The following SLC7A4 variants were observed in gnomAD, a reference collection of about 807,000 sequenced individuals.
The protein encoded by SLC7A4 is solute carrier family 7 member 4, also known as cationic amino acid transporter 4.
SLC7A4 carries 30 observed loss-of-function variants against 37.8 expected under a neutral mutation model. The observed-to-expected ratio is 0.79, with a 90% CI of 0.59 to 1.08. The LOEUF is 1.08. SLC7A4 is among the 50% of genes least tolerant of loss of function. The probability of loss-of-function intolerance (pLI) is 0.00; values close to 1 mark genes in which losing one functional copy is unlikely to be tolerated. For missense variants in SLC7A4, 839 were observed against 843.2 expected, an observed-to-expected ratio of 1.00 and a Z score of 0.06; for synonymous variants, 359 against 376.5, an observed-to-expected ratio of 0.95 and a Z score of 0.54.
intron 1 of SLC7A4, 101 bp from the exon 2 acceptor site, chr22:21,031,953 C>G: frequency 1.3e-6 from 1 of 767,900 alleles, no homozygotes; most frequent in Non-Finnish European, 1.8e-6. Flanking sequence ...CTGTCCCTGA[C>G]CTGGGGACCT....
chr22:21,031,931 C>G, intron 1 of SLC7A4, 79 bp from the exon 2 acceptor site: 1 of 1,008,686 alleles, frequency 9.9e-7, no homozygotes, highest in Non-Finnish European at 1.3e-6. Context: ...CTGACCACCC[C>G]CAGTCCTCTC....
At chr22:21,030,375 G>A (rs1164009937) in intron 2 of SLC7A4, 24 bp from the exon 3 acceptor site, 1 of 1,575,022 alleles carries the variant, frequency 6.3e-7, no homozygotes, top group Non-Finnish European at 8.6e-7. Flanking sequence ...AGTGGGGAGG[G>A]TCAGCATGGC....
chr22:21,030,395 C>T, intron 2 of SLC7A4, 44 bp from the exon 3 acceptor site: 1 of 1,551,340 alleles, frequency 6.4e-7, no homozygotes, highest in Non-Finnish European at 8.7e-7. Flanking sequence ...CGGAGAAGCC[C>T]ACCAGGGGCC....
intron 2 of SLC7A4, 125 bp downstream of exon 2, chr22:21,030,706 C>G (rs1024637224): frequency 2.6e-6 from 3 of 1,165,706 alleles, no homozygotes; most frequent in Non-Finnish European, 3.5e-6. Flanking sequence ...TAATAATTAG[C>G]ACTTTCCTTG....
intron 3 of SLC7A4, 33 bp from the exon 4 acceptor site, chr22:21,029,477 G>T: frequency 6.6e-7 from 1 of 1,521,496 alleles, no homozygotes; most frequent in Non-Finnish European, 9.1e-7. Context: ...GGGCTGGGCC[G>T]GGCTGCAGGA....
At chr22:21,032,164 TG>T (rs1354056849) in intron 1 of SLC7A4, among the ~76,000 whole-genome samples, 15 of 152,128 alleles carry the variant, frequency 9.9e-5, no homozygotes, top group African/African-American at 3.4e-4. Context: ...GGTGAGAGGC[TG>T]GGAACGGCTC....
chr22:21,030,679 T>C, intron 2 of SLC7A4, 152 bp downstream of exon 2: 2 of 984,688 alleles, frequency 2.0e-6, no homozygotes, highest in Non-Finnish European at 2.9e-6. Context: ...GAAACTTTTT[T>C]TGAAGTGAAG....
intron 1 of SLC7A4, 84 bp from the exon 2 acceptor site, chr22:21,031,936 C>T: frequency 1.0e-6 from 1 of 967,390 alleles, no homozygotes; most frequent in Non-Finnish European, 1.4e-6. Flanking sequence ...CACCCCCAGT[C>T]CTCTCTCTGT....
At position 21,029,865 on chromosome 22, in the gene SLC7A4, A is replaced by C. The variant is rs145667640; in HGVS notation, c.1469T>G (p.Ile490Ser). 1 of 1,613,818 alleles carries C rather than the reference A, an allele frequency of 6.2e-7. No individual in the cohort carries two copies. The highest frequency in any genetic ancestry group is 2.2e-5 in the East Asian group (1 of 44,884). ...WALGVMLASA[I>S]TIGCVLVFGN... is the part of the protein sequence containing the mutation. Reference sequence around the variant, plus strand: ...AAAGACAAGCACGCAGCCTATGGTGATGGCTGAGGCCAACATAACGCCAAG... The same window carrying C: ...AAAGACAAGCACGCAGCCTATGGTGCTGGCTGAGGCCAACATAACGCCAAG... Residue 490 changes from isoleucine to serine, a missense_variant, in exon 3 of 5, where the codon ATC becomes AGC. Coordinates refer to ENST00000382932, the MANE Select transcript of SLC7A4 (RefSeq NM_004173.3).
Position 21,031,388 on chromosome 22 carries a change from T to C in SLC7A4, c.425A>G (p.Asp142Gly). 1 of 1,609,426 alleles carries C rather than the reference T, an allele frequency of 6.2e-7. No homozygotes were observed. The change falls in exon 2 of 5, where the codon GAC becomes GGC. Residue 142 changes from aspartate (D) to glycine (G), a missense_variant. Physicochemically the swap from Asp to Gly is moderately conservative, Grantham distance 94 (BLOSUM62 -1). Coordinates refer to ENST00000382932, the MANE Select transcript of SLC7A4 (RefSeq NM_004173.3). ...AVARAWSGYL[D>G]SMFSHSIRNF... ...GCGGATGCTGTGGCTGAACATAGAG[T>C]CCAGGTAGCCACTCCAGGCACGGGC...
Position 21,031,737 on chromosome 22 carries a change from C to T in SLC7A4, c.76G>A (p.Asp26Asn). The stretch of plus-strand genomic sequence containing the variant: ...CGCAGTGACGTCTCCATGGTGGAGT[C>T]CTCCAGCGGCTTCAGGCGGTTCAGC... The part of the protein sequence containing the change: ...QKLNRLKPLE[D>N]STMETSLRRC... Residue 26 changes from aspartate (D) to asparagine (N), a missense_variant, in exon 2 of 5, where the codon GAC becomes AAC. Transcript: ENST00000382932. 6.3e-7 allele frequency: 1 copy of T among 1,599,874 alleles called. No homozygotes were observed. The highest frequency in any genetic ancestry group is 8.5e-7 in the Non-Finnish European group (1 of 1,173,068).
rs1284628924 is a variant in SLC7A4 at position 21,031,716 on chromosome 22, G to A, written c.97C>T (p.Leu33=). 2 of 1,612,580 alleles carry A rather than the reference G, an allele frequency of 1.2e-6. No homozygotes were observed. The highest frequency in any genetic ancestry group is 1.7e-6 in the Non-Finnish European group (2 of 1,179,452). The change falls in exon 2 of 5, where the codon CTG becomes TTG. Residue 33 remains leucine, a synonymous_variant. Coordinates refer to ENST00000382932, the MANE Select transcript of SLC7A4 (RefSeq NM_004173.3). ...TCCAGCGTGGACAGGCAGCGCCGCA[G>A]TGACGTCTCCATGGTGGAGTCCTCC... ...PLEDSTMETS[L]RRCLSTLDLT... is the part of the protein sequence containing the mutation.
Position 21,031,662 on chromosome 22 carries a change from C to G in SLC7A4, c.151G>C (p.Val51Leu), listed in dbSNP as rs868146769. 1 of 1,613,314 alleles carries G rather than the reference C, an allele frequency of 6.2e-7. No homozygotes were observed. Among genetic ancestry groups the G allele is most frequent in the Admixed American group, 1.7e-5 (1 of 59,946 alleles). The change falls in exon 2 of 5, where the codon GTG becomes CTG. Residue 51 changes from valine to leucine, a missense_variant. Val to Leu is a conservative substitution (Grantham distance 32). Transcript: ENST00000382932. ...GTGAGCACGTAGAGACCCGAGCCCA[C>G]CATGCCACCCACGCCCAGAAGAGTC... Reference protein sequence around the residue: ...DLTLLGVGGMVGSGLYVLTGA... With the variant: ...DLTLLGVGGMLGSGLYVLTGA...
intron 2 of SLC7A4, 47 bp downstream of exon 2, chr22:21,030,784 C>G: frequency 2.0e-6 from 3 of 1,512,136 alleles, no homozygotes; most frequent in African/African-American, 1.4e-5. Flanking sequence ...AGGACAAGGT[C>G]CCCCTTGCTC....
At chr22:21,032,449 T>G (rs1289913631) in intron 1 of SLC7A4, 82 bp downstream of exon 1, 2 of 153,106 alleles carry the variant, frequency 1.3e-5, no homozygotes, top group Admixed American at 1.3e-4. Flanking sequence ...CGCGCCCCCG[T>G]CCCCGGACAC....
rs769408144 is a variant in SLC7A4 at position 21,031,107 on chromosome 22, C to T, written c.706G>A (p.Gly236Ser). The change falls in exon 2 of 5, where the codon GGC (glycine) becomes AGC (serine). Residue 236 changes from glycine (G) to serine (S), a missense_variant. Physicochemically the swap from Gly to Ser is moderately conservative, Grantham distance 56 (BLOSUM62 0). Transcript: ENST00000382932. ...CAGGAGGCAGTGCCGGCCATGACGCCGGAGAAGCCGAAGGGTGCAAAGCCG... is the reference window on the plus strand; with the variant it reads ...CAGGAGGCAGTGCCGGCCATGACGCTGGAGAAGCCGAAGGGTGCAAAGCCG... ...EGGFAPFGFSGVMAGTASCFY... is the reference protein window; with the variant it reads ...EGGFAPFGFSSVMAGTASCFY... 1.1e-5 allele frequency: 18 copies of T among 1,613,772 alleles called. No individual in the cohort carries two copies. In the African/African-American group the frequency reaches 1.3e-4, roughly 12 times the overall value.
In SLC7A4 at chr22:21,031,064, C is replaced by T. The variant is rs765107157; in HGVS notation, c.749G>A (p.Gly250Asp). Residue 250 changes from glycine to aspartate, a missense_variant, in exon 2 of 5, where the codon GGC becomes GAC. Gly to Asp is a moderately conservative substitution (Grantham distance 94). Coordinates refer to ENST00000382932, the MANE Select transcript of SLC7A4 (RefSeq NM_004173.3). ...ACTGGAGGCGGCAATGACGTCGAAG[C>T]CCACGAAAGCATAGAAGCAGGAGGC... ...GTASCFYAFV[G>D]FDVIAASSEE... 2.6e-5 allele frequency: 42 copies of T among 1,613,996 alleles called. No homozygotes were observed. Among genetic ancestry groups the T allele is most frequent in the Non-Finnish European group, 3.4e-5 (40 of 1,180,048 alleles).
rs1928773042 is a variant in SLC7A4 at position 21,028,901 on chromosome 22, G to A, written c.*154C>T. 10 of 714,576 alleles carry A rather than the reference G, an allele frequency of 1.4e-5. No homozygotes were observed. In the South Asian group the frequency reaches 2.1e-4, roughly 15 times the overall value. The allele number at this position is 714,576 out of a possible 1,614,324, so 44.3% of individuals were successfully genotyped here. A position where few individuals can be genotyped will look rare whatever the true frequency, so the allele number is the denominator to read the frequency against. ...CCCACTCCTGAAGACCCGAAGCCCA[G>A]CCCCTGGATGAAGGTCCTAAGGTCC... On this transcript the variant is annotated 3_prime_UTR_variant, in exon 5 of 5. Transcript: ENST00000382932.
Position 21,029,127 on chromosome 22 carries a change from G to T in SLC7A4, c.1836C>A (p.Ser612Arg). The T allele has an allele frequency of 1.9e-6, 3 of 1,613,718 alleles. No individual in the cohort carries two copies. Among genetic ancestry groups the T allele is most frequent in the Non-Finnish European group, 2.5e-6 (3 of 1,179,964 alleles). ...STHYVVFPRG[S>R]LEETVQAMQP... ...GCATAGCCTGCACTGTCTCCTCCAG[G>T]CTGCCCCTGGGGAATACCACGTAGT... The change falls in exon 5 of 5, where the codon AGC becomes AGA. Residue 612 changes from serine to arginine, a missense_variant. Coordinates refer to ENST00000382932, the MANE Select transcript of SLC7A4 (RefSeq NM_004173.3).
Sources: allele counts gnomAD v4.1 joint callset (sites outside exome capture counted in the v4.1 genomes callset), GRCh38; gene constraint gnomAD v4.1.1; transcripts MANE v1.5; gene names NCBI Gene and HGNC (gene_info 2026-07-23, HGNC 2026-07-21).